The following SSBP2 variants were observed in gnomAD, a reference collection of about 807,000 sequenced individuals.
The protein encoded by SSBP2 is single-stranded DNA-binding protein 2.
In SSBP2, 17 loss-of-function variants were observed where a neutral mutation model predicts 61.8. That is an observed-to-expected ratio of 0.28 (90% CI 0.19 to 0.41). The LOEUF is 0.41. Ranked by LOEUF, SSBP2 falls within the 10% of genes least tolerant of loss-of-function variation. SSBP2 has a pLI of 1.00. For synonymous variants in SSBP2, 139 were observed against 141.3 expected (o/e 0.98, Z 0.12); for missense variants, 310 against 458.7 (o/e 0.68, Z 2.96).
chr5:81,657,035 A>G (rs1356624207), intron 1 of SSBP2, among the ~76,000 whole-genome samples: 1 of 152,212 alleles, frequency 6.6e-6, no homozygotes, highest in Non-Finnish European at 1.5e-5. Flanking sequence ...GAGTTCAAAC[A>G]GTATCTTTTA....
At chr5:81,580,592 C>T (rs11738820) in intron 4 of SSBP2, among the ~76,000 whole-genome samples, 26,092 of 151,754 alleles carry the variant, frequency 0.17, 2,351 homozygotes, top group Non-Finnish European at 0.2. Flanking sequence ...ATTATTTGAC[C>T]CTAGTAGATC....
intron 4 of SSBP2, among the ~76,000 whole-genome samples, chr5:81,591,142 G>A (rs1219618127): frequency 6.6e-6 from 1 of 152,178 alleles, no homozygotes; most frequent in Non-Finnish European, 1.5e-5. Context: ...CACAGATTGA[G>A]TAAAACCCTC....
Position 81,448,808 on chromosome 5 carries a change from T to C in SSBP2, c.705A>G (p.Ala235=). ...TACTTACTACATAATTCCCAGGAGATGCTGAGGAGTATGGTATCTGGAACA... is the reference window on the plus strand; with the variant it reads ...TACTTACTACATAATTCCCAGGAGACGCTGAGGAGTATGGTATCTGGAACA... Residue 235 remains alanine, a synonymous_variant, in exon 11 of 17, where the codon GCA becomes GCG. Transcript: ENST00000320672. 6.2e-7 allele frequency: 1 copy of C among 1,613,276 alleles called. No individual in the cohort carries two copies. The highest frequency in any genetic ancestry group is 8.5e-7 in the Non-Finnish European group (1 of 1,179,636).
chr5:81,549,044 A>T (rs1445874485), intron 4 of SSBP2, among the ~76,000 whole-genome samples: 2 of 152,320 alleles, frequency 1.3e-5, no homozygotes, highest in Non-Finnish European at 2.9e-5. Context: ...AATAAGCAAG[A>T]TATAGTTATA....
intron 1 of SSBP2, among the ~76,000 whole-genome samples, chr5:81,656,582 C>T (rs560932263): frequency 6.6e-6 from 1 of 151,688 alleles, no homozygotes; most frequent in Non-Finnish European, 1.5e-5. Flanking sequence ...TTATGTCAAG[C>T]TAATATGTTT....
intron 5 of SSBP2, among the ~76,000 whole-genome samples, chr5:81,492,530 C>G (rs1766935531): frequency 6.6e-6 from 1 of 151,522 alleles, no homozygotes; most frequent in African/African-American, 2.4e-5. Context: ...AAAAAACAGG[C>G]AGAAAAGAGT....
intron 5 of SSBP2, among the ~76,000 whole-genome samples, chr5:81,496,337 G>C (rs1276626896): frequency 6.6e-6 from 1 of 151,972 alleles, no homozygotes; most frequent in African/African-American, 2.4e-5. Context: ...GTGCCACCAC[G>C]CCTGGCTAAT....
At chr5:81,497,006 G>C (rs970583320) in intron 5 of SSBP2, among the ~76,000 whole-genome samples, 2 of 152,136 alleles carry the variant, frequency 1.3e-5, no homozygotes, top group Non-Finnish European at 1.5e-5. Flanking sequence ...AAACATGAAA[G>C]GTGAAAATGT....
chr5:81,490,619 G>A (rs1766787045), intron 5 of SSBP2, among the ~76,000 whole-genome samples: 1 of 152,130 alleles, frequency 6.6e-6, no homozygotes, highest in Non-Finnish European at 1.5e-5. Context: ...AATATTTTTA[G>A]AAATTAGGCT....
rs1484754103 is a variant in SSBP2, at chr5:81,419,419, A to G, written c.*1085T>C. 2 of 152,214 alleles carry G rather than the reference A, an allele frequency of 1.3e-5. No individual in the cohort carries two copies. Among genetic ancestry groups the G allele is most frequent in the Non-Finnish European group, 2.9e-5 (2 of 68,040 alleles). 9.4% of individuals were successfully genotyped at this position (152,214 alleles called of 1,614,324 possible). On this transcript the variant is annotated 3_prime_UTR_variant, in exon 17 of 17. Transcript: ENST00000320672. ...AATAACTCTCTTCTCCCTTGTGCTC[A>G]AAGTCTCCTTCTATGTATTTATTTC...
At chr5:81,747,267 T>A (rs929671974) in intron 1 of SSBP2, among the ~76,000 whole-genome samples, 4 of 152,200 alleles carry the variant, frequency 2.6e-5, no homozygotes, top group African/African-American at 9.6e-5. Flanking sequence ...CTGAAAAATG[T>A]ATCTTTCAGC....
intron 4 of SSBP2, among the ~76,000 whole-genome samples, chr5:81,581,337 T>C (rs773400928): frequency 5.3e-5 from 8 of 152,168 alleles, no homozygotes; most frequent in Non-Finnish European, 1.0e-4. Context: ...TTGGGTTAAA[T>C]GTAGAATGGA....
intron 1 of SSBP2, among the ~76,000 whole-genome samples, chr5:81,694,857 G>A (rs964663664): frequency 1.8e-4 from 28 of 152,198 alleles, no homozygotes; most frequent in African/African-American, 6.5e-4. Flanking sequence ...ATTCCTGTAC[G>A]ACTAGAAGTA....
chr5:81,685,802 A>C (rs1752726546), intron 1 of SSBP2, among the ~76,000 whole-genome samples: 1 of 152,226 alleles, frequency 6.6e-6, no homozygotes, highest in African/African-American at 2.4e-5. Context: ...GGTCCACAAA[A>C]TAGACTATCC....
At chr5:81,738,284 T>A (rs1756756295) in intron 1 of SSBP2, among the ~76,000 whole-genome samples, 1 of 152,246 alleles carries the variant, frequency 6.6e-6, no homozygotes, top group Non-Finnish European at 1.5e-5. Context: ...TTAGGATATG[T>A]GCACTTTTCT....
chr5:81,732,318 T>C (rs1016417053), intron 1 of SSBP2, among the ~76,000 whole-genome samples: 1 of 152,138 alleles, frequency 6.6e-6, no homozygotes, highest in Non-Finnish European at 1.5e-5. Flanking sequence ...TACTAAAAAT[T>C]AGTAGTCTTT....
chr5:81,668,366 G>C (rs961088475), intron 1 of SSBP2, among the ~76,000 whole-genome samples: 1 of 149,892 alleles, frequency 6.7e-6, no homozygotes, highest in Non-Finnish European at 1.5e-5. Flanking sequence ...AATACGAATA[G>C]CCAAAACACA....
chr5:81,718,528 A>G (rs1755326968), intron 1 of SSBP2, among the ~76,000 whole-genome samples: 1 of 152,146 alleles, frequency 6.6e-6, no homozygotes, highest in South Asian at 2.1e-4. Context: ...AAACCTAATG[A>G]AAAAAACATC....
chr5:81,656,608 C>T (rs762684661), intron 1 of SSBP2, among the ~76,000 whole-genome samples: 8 of 148,540 alleles, frequency 5.4e-5, no homozygotes, highest in Admixed American at 2.0e-4. Flanking sequence ...ATAAAGAGCA[C>T]AAATAAAATG....
Sources: allele counts gnomAD v4.1 joint callset (sites outside exome capture counted in the v4.1 genomes callset), GRCh38; gene constraint gnomAD v4.1.1; transcripts MANE v1.5; gene names NCBI Gene and HGNC (gene_info 2026-07-23, HGNC 2026-07-21).